Variants in GSE1 observed in about 807,000 individuals in gnomAD.
The protein encoded by GSE1 is genetic suppressor element 1.
A neutral mutation model predicts 112.6 loss-of-function variants in GSE1; 32 were observed. The observed-to-expected ratio is 0.28, with a 90% CI of 0.21 to 0.38. The LOEUF (loss-of-function observed/expected upper bound fraction) is 0.38, where lower values mean the gene tolerates loss of function less well. GSE1 is among the 10% of genes least tolerant of loss of function. GSE1 has a pLI of 1.00. For missense variants in GSE1, 2,348 were observed against 1,699.2 expected, an observed-to-expected ratio of 1.38 and a Z score of -6.71; for synonymous variants, 1,115 against 735.6, an observed-to-expected ratio of 1.52 and a Z score of -8.35.
chr16:85,432,333 C>T (rs2049141872), intron 2 of GSE1, among the ~76,000 whole-genome samples: 1 of 152,188 alleles, frequency 6.6e-6, no homozygotes, highest in South Asian at 2.1e-4. Context: ...CAGTCAAGTC[C>T]GTATTGAAGT....
intron 1 of GSE1, among the ~76,000 whole-genome samples, chr16:85,307,326 G>C (rs1053838940): frequency 2.6e-5 from 4 of 152,194 alleles, no homozygotes; most frequent in African/African-American, 9.6e-5. Flanking sequence ...CACCTGCGAC[G>C]TTCCAAGGCA....
At chr16:85,228,237 CAA>C (rs1160565986) in intron 1 of GSE1, among the ~76,000 whole-genome samples, 3 of 152,240 alleles carry the variant, frequency 2.0e-5, no homozygotes, top group Non-Finnish European at 4.4e-5. Flanking sequence ...GGGGTAGTGT[CAA>C]GAGCTACAGA....
At chr16:85,242,020 C>T (rs918632598) in intron 1 of GSE1, among the ~76,000 whole-genome samples, 17 of 152,108 alleles carry the variant, frequency 1.1e-4, no homozygotes, top group Non-Finnish European at 1.9e-4. Flanking sequence ...CCTGCTACAC[C>T]GTCCTGGTGT....
chr16:85,586,334 C>T (rs569884909), intron 1 of GSE1, among the ~76,000 whole-genome samples: 1 of 152,220 alleles, frequency 6.6e-6, no homozygotes, highest in African/African-American at 2.4e-5. Flanking sequence ...GGTGTTGCCT[C>T]GGACGGCGGA....
intron 1 of GSE1, among the ~76,000 whole-genome samples, chr16:85,249,208 G>T: frequency 6.6e-6 from 1 of 152,326 alleles, no homozygotes; most frequent in East Asian, 1.9e-4. Context: ...AGACTTCATG[G>T]TGCCCAGTAG....
At chr16:85,608,081 G>A (rs541484145), upstream of GSE1, among the ~76,000 whole-genome samples, 5 of 152,324 alleles carry the variant, frequency 3.3e-5, no homozygotes, top group East Asian at 3.9e-4. Context: ...CCAGAGGCAG[G>A]GATGGGAAAA....
chr16:85,616,084 C>T lies in GSE1; in HGVS notation c.7+2686C>T, dbSNP rs536667245. Among the ~76,000 whole-genome samples, 190 of 152,366 alleles carry T rather than the reference C, an allele frequency of 1.2e-3. 2 individuals carry two copies. The highest frequency in any genetic ancestry group is 4.4e-3 in the African/African-American group (182 of 41,584). On this transcript the variant is annotated intron_variant, in intron 1 of 15. Coordinates refer to ENST00000253458, the MANE Select transcript of GSE1 (RefSeq NM_014615.5). ...CAGAAGCCAAGCCTGCCTGTGGGCTCAGCATCGCCGGCCCCAGGAAGAGCC... is the reference window on the plus strand; with the variant it reads ...CAGAAGCCAAGCCTGCCTGTGGGCTTAGCATCGCCGGCCCCAGGAAGAGCC...
intron 2 of GSE1, among the ~76,000 whole-genome samples, chr16:85,500,998 GTTTTTTT>G (rs55650214): frequency 6.2e-5 from 4 of 64,826 alleles, no homozygotes; most frequent in African/African-American, 1.3e-4. Context: ...GGCCTGTTCT[GTTTTTTT>G]TTTTTTTTTT....
At chr16:85,442,673 T>G (rs1367343840) in intron 2 of GSE1, among the ~76,000 whole-genome samples, 1 of 152,152 alleles carries the variant, frequency 6.6e-6, no homozygotes, top group Non-Finnish European at 1.5e-5. Context: ...CCAGGTGGCA[T>G]CGTGAGCCAG....
intron 2 of GSE1, among the ~76,000 whole-genome samples, chr16:85,434,506 C>T (rs1286786430): frequency 6.6e-6 from 1 of 152,056 alleles, no homozygotes; most frequent in East Asian, 1.9e-4. Context: ...GCTGTTTGCC[C>T]AAGGCTCCAG....
chr16:85,563,427 G>C (rs1346452650), intron 1 of GSE1, among the ~76,000 whole-genome samples: 1 of 152,238 alleles, frequency 6.6e-6, no homozygotes, highest in Non-Finnish European at 1.5e-5. Flanking sequence ...GCCCTCCGCA[G>C]CTGGGGTTGG....
chr16:85,560,868 C>T (rs1365972164), intron 1 of GSE1, among the ~76,000 whole-genome samples: 1 of 152,090 alleles, frequency 6.6e-6, no homozygotes, highest in Non-Finnish European at 1.5e-5. Flanking sequence ...GTATCTTACA[C>T]CTGTAGTCCC....
upstream of GSE1, among the ~76,000 whole-genome samples, chr16:85,552,328 C>CTTTTTTTTTTTTTT (rs1195413161): frequency 2.5e-3 from 119 of 47,750 alleles, 14 homozygotes; most frequent in Non-Finnish European, 3.8e-3. Context: ...CCCGCCCCTC[C>CTTTTTTTTTTTTTT]TTTTTTTTTT....
chr16:85,463,901 G>A (rs1378405270), intron 2 of GSE1, among the ~76,000 whole-genome samples: 1 of 152,186 alleles, frequency 6.6e-6, no homozygotes, highest in African/African-American at 2.4e-5. Context: ...CAGAGTGAGG[G>A]ATGGAGAGAA....
At chr16:85,516,048 G>C (rs1012053464) in intron 2 of GSE1, among the ~76,000 whole-genome samples, 1 of 152,198 alleles carries the variant, frequency 6.6e-6, no homozygotes, top group Non-Finnish European at 1.5e-5. Context: ...GCTGGGAAAG[G>C]AGGCCTGGGG....
intron 1 of GSE1, among the ~76,000 whole-genome samples, chr16:85,351,528 G>A (rs891958987): frequency 2.6e-5 from 4 of 151,990 alleles, no homozygotes; most frequent in African/African-American, 7.2e-5. Context: ...TGGGGTTGAC[G>A]GGGGCTGCTC....
intron 1 of GSE1, among the ~76,000 whole-genome samples, chr16:85,565,853 G>A (rs905538473): frequency 4.6e-5 from 7 of 152,216 alleles, no homozygotes; most frequent in Non-Finnish European, 7.3e-5. Context: ...GTTGGGTCCC[G>A]ATGGCGAGGG....
rs145834022 is a variant in GSE1, at chr16:85,580,692, G to T, written c.37+24329G>T. Among the ~76,000 whole-genome samples the T allele has an allele frequency of 6.0e-3, 911 of 152,342 alleles. 6 individuals carry two copies. The highest frequency in any genetic ancestry group is 0.011 in the Non-Finnish European group (751 of 68,024). ...CCGACCCTCAGGGTGGCTGTATTTG[G>T]AAATGGAGCCTCTAAGGAAATAGTT... On this transcript the variant is annotated intron_variant, in intron 1 of 2. Coordinates refer to the GSE1 transcript ENST00000635906.
chr16:85,382,583 G>A (rs1158156839), intron 2 of GSE1, among the ~76,000 whole-genome samples: 3 of 152,160 alleles, frequency 2.0e-5, no homozygotes, highest in Admixed American at 6.5e-5. Context: ...GCCCGGGCTC[G>A]GAGCCCACAC....
Sources: allele counts gnomAD v4.1 joint callset (sites outside exome capture counted in the v4.1 genomes callset), GRCh38; gene constraint gnomAD v4.1.1; transcripts MANE v1.5; gene names NCBI Gene and HGNC (gene_info 2026-07-23, HGNC 2026-07-21).